Variants in TMPRSS11F observed in about 807,000 individuals in gnomAD.
The protein encoded by TMPRSS11F is transmembrane protease serine 11F.
Under a neutral mutation model 60.2 loss-of-function variants are expected in TMPRSS11F, and 47 were observed. The observed-to-expected ratio is 0.78, with a 90% confidence interval of 0.62 to 1.00. TMPRSS11F has a LOEUF of 1.00. Ranked by LOEUF, TMPRSS11F falls within the 50% of genes least tolerant of loss-of-function variation. The pLI, the probability that TMPRSS11F is intolerant of heterozygous loss-of-function variation, is 0.00. For synonymous variants in TMPRSS11F, 166 were observed against 167.3 expected, an observed-to-expected ratio of 0.99 and a Z score of 0.06; for missense variants, 519 against 522.9, an observed-to-expected ratio of 0.99 and a Z score of 0.07.
chr4:68,103,591 G>A (rs1474988304), intron 1 of TMPRSS11F, among the ~76,000 whole-genome samples: 2 of 152,122 alleles, frequency 1.3e-5, no homozygotes, highest in Non-Finnish European at 2.9e-5. Context: ...AAATCAGAAA[G>A]TGTGATGCCT....
Position 68,063,019 on chromosome 4 carries a change from C to T in TMPRSS11F, c.1015+1666G>A, listed in dbSNP as rs770807330. 1.5e-5 allele frequency: 10 copies of T among 683,138 alleles called. No individual in the cohort carries two copies. In the African/African-American group the frequency reaches 1.6e-4, roughly 11 times the overall value. 42.3% of individuals were successfully genotyped at this position (683,138 alleles called of 1,614,324 possible). On this transcript the variant is annotated intron_variant, in intron 8 of 9. Transcript: ENST00000356291. ...TACTTTCACTACAAGACATTTCTGA[C>T]ACGCTCATTTGGGAGTCACAGACAC...
chr4:68,062,480 GA>G (rs1327419029), intron 8 of TMPRSS11F: 1 of 679,592 alleles, frequency 1.5e-6, no homozygotes, highest in Non-Finnish European at 2.8e-6. Context: ...CGACTTGGTA[GA>G]AACAGTAATG....
chr4:68,129,671 A>T, intron 1 of TMPRSS11F, 139 bp downstream of exon 1: 1 of 689,290 alleles, frequency 1.5e-6, no homozygotes, highest in Non-Finnish European at 2.3e-6. Context: ...ATAAAACTTT[A>T]ATATAAAATA....
At chr4:68,121,126 T>C (rs1724618499) in intron 1 of TMPRSS11F, among the ~76,000 whole-genome samples, 1 of 152,242 alleles carries the variant, frequency 6.6e-6, no homozygotes, top group Non-Finnish European at 1.5e-5. Context: ...GCTGGATCCA[T>C]ACTTCTTAGG....
At chr4:68,093,869 G>C (rs1724008316) in intron 2 of TMPRSS11F, among the ~76,000 whole-genome samples, 1 of 146,156 alleles carries the variant, frequency 6.8e-6, no homozygotes, top group Non-Finnish European at 1.5e-5. Context: ...ACACCAGTTA[G>C]AATGGCAATC....
chr4:68,129,575 C>A (rs1724779203), intron 1 of TMPRSS11F, among the ~76,000 whole-genome samples: 1 of 152,130 alleles, frequency 6.6e-6, no homozygotes, highest in African/African-American at 2.4e-5. Flanking sequence ...TACCTCACAT[C>A]ATTTCTATTT....
chr4:68,061,202 G>A (rs778669292), intron 8 of TMPRSS11F, among the ~76,000 whole-genome samples: 1 of 152,062 alleles, frequency 6.6e-6, no homozygotes, highest in Non-Finnish European at 1.5e-5. Flanking sequence ...TACAAAATTA[G>A]CACATCATAC....
intron 8 of TMPRSS11F, 108 bp downstream of exon 8, chr4:68,064,577 G>T: frequency 7.7e-7 from 1 of 1,305,978 alleles, no homozygotes. Context: ...ACACATACTG[G>T]AAAGACCATT....
intron 1 of TMPRSS11F, among the ~76,000 whole-genome samples, chr4:68,105,623 T>C (rs1724289746): frequency 6.6e-6 from 1 of 152,226 alleles, no homozygotes; most frequent in African/African-American, 2.4e-5. Context: ...CAAAGGGATT[T>C]GTTTTGTTCT....
intron 1 of TMPRSS11F, among the ~76,000 whole-genome samples, chr4:68,114,446 A>G (rs1724472077): frequency 6.6e-6 from 1 of 152,118 alleles, no homozygotes; most frequent in Non-Finnish European, 1.5e-5. Context: ...ACATTATGCC[A>G]ATAAATTTGC....
intron 3 of TMPRSS11F, among the ~76,000 whole-genome samples, chr4:68,074,462 T>G (rs1287434905): frequency 6.6e-6 from 1 of 152,256 alleles, no homozygotes; most frequent in African/African-American, 2.4e-5. Context: ...AAGCTTACCT[T>G]GTTTGCTGCA....
At chr4:68,063,388 T>C (rs1560392855) in intron 8 of TMPRSS11F, 1 of 386,396 alleles carries the variant, frequency 2.6e-6, no homozygotes, top group Non-Finnish European at 5.0e-6. Flanking sequence ...TTTGTTTTTG[T>C]TTGTTTTGAG....
intron 4 of TMPRSS11F, 152 bp from the exon 5 acceptor site, chr4:68,072,638 A>T (rs1412488408): frequency 1.1e-5 from 5 of 463,262 alleles, no homozygotes; most frequent in Non-Finnish European, 1.8e-5. Flanking sequence ...ATTAAAAATG[A>T]GTGTATAATA....
intron 5 of TMPRSS11F, among the ~76,000 whole-genome samples, chr4:68,070,879 C>T (rs77876540): frequency 0.041 from 6,206 of 152,168 alleles, 377 homozygotes; most frequent in African/African-American, 0.13. Flanking sequence ...GTCTATTTAA[C>T]AAAATACATG....
chr4:68,122,385 T>C (rs1307975919), intron 1 of TMPRSS11F, among the ~76,000 whole-genome samples: 1 of 152,130 alleles, frequency 6.6e-6, no homozygotes, highest in Non-Finnish European at 1.5e-5. Flanking sequence ...TGGCTACAGA[T>C]AAAATTCTGA....
chr4:68,073,529 G>T (rs1291839035), intron 4 of TMPRSS11F, among the ~76,000 whole-genome samples: 2 of 152,216 alleles, frequency 1.3e-5, no homozygotes, highest in East Asian at 1.9e-4. Context: ...GACATGAAAA[G>T]CCATTTTAAA....
intron 7 of TMPRSS11F, among the ~76,000 whole-genome samples, chr4:68,067,980 C>T (rs1004026635): frequency 2.0e-5 from 3 of 152,170 alleles, no homozygotes; most frequent in Non-Finnish European, 4.4e-5. Flanking sequence ...CTATGTATGT[C>T]TCTGTACATG....
chr4:68,063,852 C>T (rs1019940926), intron 8 of TMPRSS11F, among the ~76,000 whole-genome samples: 3 of 152,090 alleles, frequency 2.0e-5, no homozygotes, highest in Admixed American at 6.6e-5. Flanking sequence ...ATTTACAACC[C>T]ACTTTAATGT....
intron 3 of TMPRSS11F, among the ~76,000 whole-genome samples, chr4:68,086,975 T>C (rs1207306642): frequency 1.3e-5 from 2 of 151,972 alleles, no homozygotes; most frequent in African/African-American, 2.4e-5. Flanking sequence ...CCTACTGAAA[T>C]TATTCCCAAA....
Sources: gnomAD v4.1 joint callset for allele counts (sites outside exome capture counted in the v4.1 genomes callset) on GRCh38, gnomAD v4.1.1 for gene constraint, MANE v1.5 for transcripts, NCBI Gene and HGNC (gene_info 2026-07-23, HGNC 2026-07-21) for gene names.